The following PKN2 variants were observed in gnomAD, a reference collection of about 807,000 sequenced individuals.
The protein encoded by PKN2 is serine/threonine-protein kinase N2.
A neutral mutation model predicts 119.1 loss-of-function variants in PKN2; 38 were observed. The observed-to-expected ratio is 0.32, with a 90% CI of 0.25 to 0.42. The LOEUF is 0.42. PKN2 is among the 10% of genes least tolerant of loss of function. PKN2 has a pLI of 1.00. For synonymous variants in PKN2, 390 were observed against 384.9 expected (o/e 1.01, Z -0.15); for missense variants, 850 against 1,165.1 (o/e 0.73, Z 3.94).
chr1:88,781,224 T>G, intron 6 of PKN2: 1 of 1,089,452 alleles, frequency 9.2e-7, no homozygotes, highest in Non-Finnish European at 1.2e-6. Context: ...CGTCTCATAC[T>G]CCAGTTTCTT....
At chr1:88,820,193 T>C (rs1244255082) in intron 16 of PKN2, among the ~76,000 whole-genome samples, 12 of 8,084 alleles carry the variant, frequency 1.5e-3, no homozygotes, top group Non-Finnish European at 3.3e-3. Context: ...TATATATATA[T>C]ATATATATAT....
chr1:88,684,500 A>AC lies in PKN2; in HGVS notation c.-76dup. 9.3e-7 allele frequency: 1 copy of AC among 1,075,204 alleles called. No homozygotes were observed. Among genetic ancestry groups the AC allele is most frequent in the Non-Finnish European group, 1.3e-6 (1 of 784,556 alleles). The allele number at this position is 1,075,204 out of a possible 1,614,324, so 66.6% of individuals were successfully genotyped here. On this transcript the variant is annotated 5_prime_UTR_variant, in exon 1 of 22. Transcript: ENST00000370521. The stretch of plus-strand genomic sequence containing the variant: ...TTTTTTCTTTCTCTCCCCTCTCCTC[A>AC]CCCCCACCCCGAGCCCCGTCCCGCC...
intron 1 of PKN2, among the ~76,000 whole-genome samples, chr1:88,702,951 C>T (rs1317409985): frequency 1.3e-5 from 2 of 152,136 alleles, no homozygotes; most frequent in Non-Finnish European, 2.9e-5. Context: ...TTTGTGTAAA[C>T]TTTTAATGAA....
intron 2 of PKN2, among the ~76,000 whole-genome samples, chr1:88,754,186 T>C (rs1669110010): frequency 6.6e-6 from 1 of 152,338 alleles, no homozygotes; most frequent in South Asian, 2.1e-4. Context: ...TGTCTTCAAA[T>C]CACTATTTTC....
rs1672819799 is a variant in PKN2, at chr1:88,833,574, C to T, written c.*126C>T. 4.3e-6 allele frequency: 3 copies of T among 693,640 alleles called. No individual in the cohort carries two copies. The highest frequency in any genetic ancestry group is 7.4e-6 in the Non-Finnish European group (3 of 407,830). 43.0% of individuals were successfully genotyped at this position (693,640 alleles called of 1,614,324 possible). On this transcript the variant is annotated 3_prime_UTR_variant, in exon 22 of 22. Transcript: ENST00000370521. ...TGTTGTTGTTGTTTTTATTGAAACACGTGAAGATTTGTTTAAAAGTACCAT... is the reference window on the plus strand; with the variant it reads ...TGTTGTTGTTGTTTTTATTGAAACATGTGAAGATTTGTTTAAAAGTACCAT...
At chr1:88,720,362 G>A (rs1021524791) in intron 1 of PKN2, among the ~76,000 whole-genome samples, 2 of 152,100 alleles carry the variant, frequency 1.3e-5, no homozygotes, top group Non-Finnish European at 2.9e-5. Context: ...TAGGCTTCAT[G>A]ATTTCTTAAG....
chr1:88,706,804 G>A (rs575119281), intron 1 of PKN2, among the ~76,000 whole-genome samples: 2 of 152,096 alleles, frequency 1.3e-5, no homozygotes, highest in Non-Finnish European at 2.9e-5. Context: ...CAGAATATGT[G>A]CTGATTTCTT....
chr1:88,788,023 G>A (rs1670653037), intron 8 of PKN2, among the ~76,000 whole-genome samples: 1 of 152,156 alleles, frequency 6.6e-6, no homozygotes, highest in Non-Finnish European at 1.5e-5. Context: ...GTAAAAAAGA[G>A]AAGAAAAAAT....
intron 8 of PKN2, among the ~76,000 whole-genome samples, chr1:88,797,660 A>C (rs1010998196): frequency 1.3e-5 from 2 of 151,318 alleles, no homozygotes; most frequent in African/African-American, 2.4e-5. Context: ...AAAGAGAGAG[A>C]ATGTCTTCCT....
intron 1 of PKN2, among the ~76,000 whole-genome samples, chr1:88,702,416 A>G (rs537798520): frequency 1.2e-4 from 19 of 152,330 alleles, no homozygotes; most frequent in African/African-American, 4.6e-4. Flanking sequence ...GACTGCTCCA[A>G]ATTATGTCCT....
intron 1 of PKN2, among the ~76,000 whole-genome samples, chr1:88,737,090 G>A (rs1374895073): frequency 6.6e-6 from 1 of 151,872 alleles, no homozygotes; most frequent in Non-Finnish European, 1.5e-5. Context: ...GGAAGGGGTG[G>A]AGCAGGCAGT....
chr1:88,765,530 T>C (rs1669634979), intron 3 of PKN2, among the ~76,000 whole-genome samples: 1 of 152,188 alleles, frequency 6.6e-6, no homozygotes, highest in African/African-American at 2.4e-5. Flanking sequence ...ACATTTCAAT[T>C]AATTTGTATG....
chr1:88,707,488 A>C (rs947492772), intron 1 of PKN2, among the ~76,000 whole-genome samples: 1 of 152,110 alleles, frequency 6.6e-6, no homozygotes, highest in Non-Finnish European at 1.5e-5. Flanking sequence ...GATTTTTCTC[A>C]TCACAAACAA....
At chr1:88,717,522 CTT>C (rs1389228544) in intron 1 of PKN2, among the ~76,000 whole-genome samples, 5 of 151,890 alleles carry the variant, frequency 3.3e-5, no homozygotes, top group Non-Finnish European at 7.4e-5. Context: ...CTAAACTTCT[CTT>C]GTTTCATTTC....
At chr1:88,781,114 A>G in intron 6 of PKN2, 2 of 1,260,234 alleles carry the variant, frequency 1.6e-6, no homozygotes, top group South Asian at 2.6e-5. Flanking sequence ...AATACTACTG[A>G]CATTAATAGA....
chr1:88,815,414 C>T (rs941455321), intron 16 of PKN2: 15 of 352,140 alleles, frequency 4.3e-5, no homozygotes, highest in Admixed American at 9.3e-5. Flanking sequence ...CAATTCAGTT[C>T]ACTCTATTTT....
At chr1:88,810,655 G>A (rs536080167) in intron 15 of PKN2, among the ~76,000 whole-genome samples, 8 of 152,232 alleles carry the variant, frequency 5.3e-5, no homozygotes, top group African/African-American at 1.4e-4. Flanking sequence ...TGTCCAGGCT[G>A]GAGTGCAGTG....
intron 6 of PKN2, 33 bp from the exon 7 acceptor site, chr1:88,784,606 A>G: frequency 7.4e-7 from 1 of 1,354,312 alleles, no homozygotes; most frequent in Non-Finnish European, 1.0e-6. Flanking sequence ...TTAAGGGTTG[A>G]TGTTCTTATC....
In PKN2 at chr1:88,833,070, A is replaced by G. The variant is rs1014168842; in HGVS notation, c.2671-7A>G. ...TATTTTAACTTTTTTATTTTACATT[A>G]TGCTAGCTGTTAAGAAGAAATCCTG... On this transcript the variant is annotated splice_region_variant and splice_polypyrimidine_tract_variant and intron_variant, in intron 20 of 21. Coordinates refer to ENST00000370521, the MANE Select transcript of PKN2 (RefSeq NM_006256.4). The G allele has an allele frequency of 2.5e-6, 4 of 1,605,240 alleles. No individual in the cohort carries two copies. Among genetic ancestry groups the G allele is most frequent in the Non-Finnish European group, 2.6e-6 (3 of 1,175,000 alleles).
Sources: allele counts gnomAD v4.1 joint callset (sites outside exome capture counted in the v4.1 genomes callset), GRCh38; gene constraint gnomAD v4.1.1; transcripts MANE v1.5; gene names NCBI Gene and HGNC (gene_info 2026-07-23, HGNC 2026-07-21).